PMP22: variants seen among roughly 807,000 people sequenced by gnomAD.
The protein encoded by PMP22 is peripheral myelin protein 22.
PMP22 carries 2 observed loss-of-function variants against 18.9 expected under a neutral mutation model. The observed-to-expected ratio is 0.11, with a 90% CI of 0.04 to 0.33. The LOEUF (loss-of-function observed/expected upper bound fraction) is 0.33. Ranked by LOEUF, PMP22 falls within the 10% of genes least tolerant of loss-of-function variation. The probability of loss-of-function intolerance (pLI) is 1.00; values close to 1 mark genes in which losing one functional copy is unlikely to be tolerated. For synonymous variants in PMP22, 95 were observed against 89.2 expected (o/e 1.07, Z -0.37); for missense variants, 169 against 202.2 (o/e 0.84, Z 1.00).
At chr17:15,237,619 G>A (rs2150673697) in intron 4 of PMP22, among the ~76,000 whole-genome samples, 1 of 152,292 alleles carries the variant, frequency 6.6e-6, no homozygotes, top group South Asian at 2.1e-4. Flanking sequence ...ATTTTTTGGT[G>A]CATTCTGTCT....
chr17:15,250,036 C>G (rs1283086659), intron 3 of PMP22, among the ~76,000 whole-genome samples: 1 of 152,230 alleles, frequency 6.6e-6, no homozygotes, highest in Non-Finnish European at 1.5e-5. Flanking sequence ...CTGCCTCAGC[C>G]TCCCGAGTAG....
chr17:15,239,959 T>C (rs1276574045), intron 3 of PMP22, among the ~76,000 whole-genome samples: 1 of 152,206 alleles, frequency 6.6e-6, no homozygotes, highest in Non-Finnish European at 1.5e-5. Flanking sequence ...TCTATATATA[T>C]GTGTATATAC....
At chr17:15,260,006 T>C (rs886951465) in intron 2 of PMP22, among the ~76,000 whole-genome samples, 1 of 151,438 alleles carries the variant, frequency 6.6e-6, no homozygotes, top group Admixed American at 6.6e-5. Flanking sequence ...ACAATGTGCC[T>C]TAAATTAAGA....
chr17:15,254,101 G>A (rs1176569105), intron 3 of PMP22, among the ~76,000 whole-genome samples: 1 of 152,204 alleles, frequency 6.6e-6, no homozygotes, highest in African/African-American at 2.4e-5. Flanking sequence ...AGAGATGGGA[G>A]GTGAGACTTA....
At position 15,230,925 on chromosome 17, in the gene PMP22, G is replaced by A. The variant is rs749165928; in HGVS notation, c.475C>T (p.Arg159Cys). 22 of 1,613,992 alleles carry A rather than the reference G, an allele frequency of 1.4e-5. No individual in the cohort carries two copies. Among genetic ancestry groups the A allele is most frequent in the Middle Eastern group, 1.7e-4 (1 of 6,060 alleles). ...CAGACCGTCTGGGCGCCTCATTCGC[G>A]TTTCCGCAAGATCACATAGATGACA... ...SGVIYVILRKRE is the reference protein window; with the variant it reads ...SGVIYVILRKCE The change falls in exon 5 of 5, where the codon CGC becomes TGC. Residue 159 changes from arginine to cysteine, a missense_variant. Arg to Cys is a radical substitution (Grantham distance 180, BLOSUM62 -3). Transcript: ENST00000312280.
At chr17:15,233,870 A>G (rs1461119785) in intron 4 of PMP22, among the ~76,000 whole-genome samples, 1 of 152,236 alleles carries the variant, frequency 6.6e-6, no homozygotes, top group African/African-American at 2.4e-5. Context: ...GGACTCTCAT[A>G]TAATAGGCTG....
chr17:15,236,123 C>T (rs1341978627), intron 4 of PMP22, among the ~76,000 whole-genome samples: 2 of 151,528 alleles, frequency 1.3e-5, no homozygotes, highest in African/African-American at 4.9e-5. Context: ...AGGTTGAAAG[C>T]ACTGAACTAA....
At chr17:15,250,217 C>T (rs569185349) in intron 3 of PMP22, among the ~76,000 whole-genome samples, 2 of 152,280 alleles carry the variant, frequency 1.3e-5, no homozygotes, top group East Asian at 1.9e-4. Context: ...CGCGCCCAGC[C>T]GAGGTAATTT....
intron 4 of PMP22, among the ~76,000 whole-genome samples, chr17:15,238,448 C>T (rs1906995848): frequency 6.6e-6 from 1 of 152,166 alleles, no homozygotes; most frequent in African/African-American, 2.4e-5. Context: ...AGAGATGCTA[C>T]ATCCTTTGCC....
intron 4 of PMP22, among the ~76,000 whole-genome samples, chr17:15,234,104 T>C (rs972362883): frequency 6.6e-6 from 1 of 152,008 alleles, no homozygotes; most frequent in Non-Finnish European, 1.5e-5. Context: ...CTGGGGTTAG[T>C]GAGTCAAGAC....
intron 1 of PMP22, among the ~76,000 whole-genome samples, chr17:15,263,933 A>G (rs778872615): frequency 2.8e-4 from 42 of 152,268 alleles, no homozygotes; most frequent in Non-Finnish European, 5.1e-4. Context: ...AACAAACCTA[A>G]TCACCCTGCT....
intron 3 of PMP22, chr17:15,251,809 G>A (rs908456733): frequency 6.6e-6 from 1 of 151,974 alleles, no homozygotes; most frequent in Admixed American, 6.6e-5. Context: ...GAAATGCAAG[G>A]GATGTTTTCT....
intron 2 of PMP22, 124 bp downstream of exon 2, chr17:15,260,526 C>A: frequency 1.2e-6 from 1 of 844,616 alleles, no homozygotes; most frequent in Non-Finnish European, 2.0e-6. Context: ...CAGAAACTTC[C>A]CTGGGACGTC....
chr17:15,256,542 G>A (rs1908847276), intron 3 of PMP22, among the ~76,000 whole-genome samples: 1 of 152,198 alleles, frequency 6.6e-6, no homozygotes, highest in Non-Finnish European at 1.5e-5. Flanking sequence ...TCGGGAGGCT[G>A]AGGCAGGAAA....
At chr17:15,260,897 A>G (rs972250561) in intron 1 of PMP22, 136 bp from the exon 2 acceptor site, 25 of 488,144 alleles carry the variant, frequency 5.1e-5, no homozygotes, top group Non-Finnish European at 7.9e-5. Context: ...CGCGCGGGTC[A>G]GGAGCCTTCG....
At position 15,258,981 on chromosome 17, in the gene PMP22, C is replaced by G; in HGVS notation, c.178+113G>C. On this transcript the variant is annotated intron_variant, in intron 3 of 4. Transcript: ENST00000312280. This position sits in a 1 kb window ranked among gnomAD's most constrained non-coding sequence, Gnocchi z 4.1. Reference sequence around the variant, plus strand: ...TGGCTCCCTGTCACATCCCACCCCACCCCAGCAACGACATTCTGGCTTGTG... The same window carrying G: ...TGGCTCCCTGTCACATCCCACCCCAGCCCAGCAACGACATTCTGGCTTGTG... The G allele has an allele frequency of 1.2e-6, 1 of 811,464 alleles. No homozygotes were observed. 50.3% of individuals were successfully genotyped at this position (811,464 alleles called of 1,614,324 possible).
chr17:15,254,136 G>A lies in PMP22; in HGVS notation c.178+4958C>T, dbSNP rs187345238. ...AACAGAAGCAGGAGTGGATCATTCAGGTAGATTCCGATGGGCCTTGTTAAA... is the reference window on the plus strand; with the variant it reads ...AACAGAAGCAGGAGTGGATCATTCAAGTAGATTCCGATGGGCCTTGTTAAA... On this transcript the variant is annotated intron_variant, in intron 3 of 4. Transcript: ENST00000312280. Among the ~76,000 whole-genome samples, 23 of 152,288 alleles carry A rather than the reference G, an allele frequency of 1.5e-4. No homozygotes were observed. In the East Asian group the frequency reaches 1.7e-3, roughly 11 times the overall value.
chr17:15,238,398 T>A (rs1162280192), intron 4 of PMP22, among the ~76,000 whole-genome samples: 1 of 152,112 alleles, frequency 6.6e-6, no homozygotes, highest in Non-Finnish European at 1.5e-5. Flanking sequence ...GACAGAGTGG[T>A]GAAATGGTAC....
At chr17:15,260,836 C>T in intron 1 of PMP22, 75 bp from the exon 2 acceptor site, 1 of 1,025,966 alleles carries the variant, frequency 9.7e-7, no homozygotes, top group South Asian at 1.4e-5. Context: ...GGGAGGGTCC[C>T]GCGCACTAGC....
Sources: gnomAD v4.1 joint callset for allele counts (sites outside exome capture counted in the v4.1 genomes callset) on GRCh38, gnomAD v4.1.1 for gene constraint, Gnocchi (gnomAD v3.1) non-coding constraint, MANE v1.5 for transcripts, NCBI Gene and HGNC (gene_info 2026-07-23, HGNC 2026-07-21) for gene names.